KCNT2: variants seen among roughly 807,000 people sequenced by gnomAD.
KCNT2 encodes the protein potassium sodium-activated channel subfamily T member 2, also known as potassium channel subfamily T member 2.
A neutral mutation model predicts 153.8 loss-of-function variants in KCNT2; 67 were observed. The observed-to-expected ratio is 0.44, with a 90% CI of 0.36 to 0.53. The LOEUF is 0.53. KCNT2 is among the 20% of genes least tolerant of loss of function. KCNT2 has a pLI of 0.00. For missense variants in KCNT2, 975 were observed against 1,354.8 expected, an observed-to-expected ratio of 0.72 and a Z score of 4.40; for synonymous variants, 500 against 458.8, an observed-to-expected ratio of 1.09 and a Z score of -1.15.
At chr1:196,339,732 T>C (rs1275419535) in intron 16 of KCNT2, among the ~76,000 whole-genome samples, 1 of 152,026 alleles carries the variant, frequency 6.6e-6, no homozygotes, top group Non-Finnish European at 1.5e-5. Context: ...ATACTAAATG[T>C]TTGTAGGTTT....
At chr1:196,236,935 G>GAA (rs1184082613) in intron 26 of KCNT2, among the ~76,000 whole-genome samples, 1,633 of 151,608 alleles carry the variant, frequency 0.011, 32 homozygotes, top group African/African-American at 0.035. Flanking sequence ...CATGGGTAAA[G>GAA]TTTTCAGTCT....
chr1:196,529,995 A>G (rs966354119), intron 1 of KCNT2, among the ~76,000 whole-genome samples: 10 of 152,046 alleles, frequency 6.6e-5, no homozygotes, highest in Non-Finnish European at 1.2e-4. Flanking sequence ...ACTCAGAAAA[A>G]TATGCAGCAA....
At chr1:196,566,573 T>C (rs1660138904) in intron 1 of KCNT2, among the ~76,000 whole-genome samples, 1 of 151,946 alleles carries the variant, frequency 6.6e-6, no homozygotes, top group African/African-American at 2.4e-5. Context: ...TAGTAAAAGG[T>C]AGATTAAGGT....
chr1:196,316,044 A>G lies in KCNT2; in HGVS notation c.2349-18T>C. On this transcript the variant is annotated intron_variant, in intron 20 of 27. Transcript: ENST00000294725. ...CATCTAGGCTTTGATAAAAATCAAC[A>G]GAGAAAAACAAACATTAAATAAATC... The G allele has an allele frequency of 1.2e-6, 2 of 1,605,812 alleles. No homozygotes were observed. Among genetic ancestry groups the G allele is most frequent in the Non-Finnish European group, 1.7e-6 (2 of 1,174,394 alleles).
At chr1:196,299,211 C>T (rs112275408) in intron 22 of KCNT2, among the ~76,000 whole-genome samples, 3 of 152,024 alleles carry the variant, frequency 2.0e-5, no homozygotes, top group Admixed American at 6.6e-5. Context: ...TCCTTGCCTT[C>T]TCCATCTCTA....
intron 1 of KCNT2, among the ~76,000 whole-genome samples, chr1:196,561,651 T>TCCAAAAAAAAAAAAAAAA (rs1659403022): frequency 5.2e-4 from 1 of 1,916 alleles, no homozygotes; most frequent in Non-Finnish European, 2.2e-3. Context: ...AGACTTCATC[T>TCCAAAAAAAAAAAAAAAA]CAAAAAAAAA....
chr1:196,235,836 A>G, intron 27 of KCNT2, 150 bp downstream of exon 27: 2 of 504,540 alleles, frequency 4.0e-6, no homozygotes, highest in South Asian at 3.1e-5. Flanking sequence ...ACAACACATG[A>G]AATGCATTTG....
At chr1:196,528,366 T>C (rs1008111602) in intron 1 of KCNT2, among the ~76,000 whole-genome samples, 3 of 152,176 alleles carry the variant, frequency 2.0e-5, no homozygotes, top group African/African-American at 4.8e-5. Flanking sequence ...TATGTTTTCC[T>C]CTGAAAAACA....
chr1:196,571,349 A>C (rs570650013), intron 1 of KCNT2, among the ~76,000 whole-genome samples: 1 of 152,230 alleles, frequency 6.6e-6, no homozygotes, highest in Admixed American at 6.5e-5. Flanking sequence ...AGATATTCTA[A>C]AGGAGAAAGA....
At chr1:196,472,616 A>T (rs745809384) in intron 5 of KCNT2, among the ~76,000 whole-genome samples, 8 of 152,208 alleles carry the variant, frequency 5.3e-5, no homozygotes, top group South Asian at 2.1e-4. Flanking sequence ...AAAGCACTTT[A>T]TATATAGTAT....
intron 8 of KCNT2, among the ~76,000 whole-genome samples, chr1:196,454,634 G>T (rs547168076): frequency 1.3e-5 from 2 of 151,840 alleles, no homozygotes; most frequent in South Asian, 4.1e-4. Flanking sequence ...TTTGTAGAAT[G>T]ATTTATTTTC....
At chr1:196,447,980 T>C (rs1055811256) in intron 8 of KCNT2, among the ~76,000 whole-genome samples, 1 of 151,436 alleles carries the variant, frequency 6.6e-6, no homozygotes, top group African/African-American at 2.4e-5. Flanking sequence ...AATGAAAGTG[T>C]AAATTATTCT....
chr1:196,544,244 G>GA (rs1656762893), intron 1 of KCNT2, among the ~76,000 whole-genome samples: 1 of 151,706 alleles, frequency 6.6e-6, no homozygotes, highest in African/African-American at 2.4e-5. Context: ...CCTGAAAAGT[G>GA]AAAAAAGAAA....
At chr1:196,416,422 T>G (rs534573721) in intron 12 of KCNT2, among the ~76,000 whole-genome samples, 16 of 152,040 alleles carry the variant, frequency 1.1e-4, no homozygotes, top group Non-Finnish European at 1.9e-4. Context: ...AATTAGTGCA[T>G]AGTATATATA....
chr1:196,528,166 A>T (rs964736997), intron 1 of KCNT2, among the ~76,000 whole-genome samples: 2 of 152,198 alleles, frequency 1.3e-5, no homozygotes, highest in African/African-American at 4.8e-5. Context: ...TACTTCACTC[A>T]TGCTGTGATC....
rs1374309647 is a variant in KCNT2 at position 196,305,324 on chromosome 1, A to G, written c.2505T>C (p.Ile835=). 1 of 1,607,368 alleles carries G rather than the reference A, an allele frequency of 6.2e-7. No homozygotes were observed. The highest frequency in any genetic ancestry group is 1.1e-5 in the South Asian group (1 of 90,894). The stretch of plus-strand genomic sequence containing the variant: ...TGGCGGGGTGAGTTAGCTCTGTGAT[A>G]ATACTGAGACTGGAAAACAACCTAC... ...TLFRLFSSLS[I]ITELTHPANM... The change falls in exon 22 of 28, where the codon ATT becomes ATC. Residue 835 remains isoleucine, a synonymous_variant. Coordinates refer to ENST00000294725, the MANE Select transcript of KCNT2 (RefSeq NM_198503.5).
At chr1:196,355,543 A>G (rs1038031858) in intron 14 of KCNT2, among the ~76,000 whole-genome samples, 1 of 151,728 alleles carries the variant, frequency 6.6e-6, no homozygotes, top group Non-Finnish European at 1.5e-5. Context: ...AATGAGAAAT[A>G]AAAAAAGGTG....
At position 196,492,389 on chromosome 1, in the gene KCNT2, C is replaced by A. The variant is rs369369631; in HGVS notation, c.96-48G>T. 1.5e-5 allele frequency: 18 copies of A among 1,175,620 alleles called. No homozygotes were observed. In the African/African-American group the frequency reaches 2.1e-4, roughly 14 times the overall value. 72.8% of individuals were successfully genotyped at this position (1,175,620 alleles called of 1,614,324 possible). A position where few individuals can be genotyped will look rare whatever the true frequency, so the allele number is the denominator to read the frequency against. Reference sequence around the variant, plus strand: ...TGTAAATGTATGCAAGCAACCATATCTTTATTTTCATGAAGATCAACAAAT... The same window carrying A: ...TGTAAATGTATGCAAGCAACCATATATTTATTTTCATGAAGATCAACAAAT... On this transcript the variant is annotated intron_variant, in intron 1 of 27. Transcript: ENST00000294725.
chr1:196,469,100 C>T (rs775556732), intron 5 of KCNT2, 32 bp from the exon 6 acceptor site: 2 of 1,260,834 alleles, frequency 1.6e-6, no homozygotes, highest in Non-Finnish European at 2.3e-6. Context: ...AAACGAAAGT[C>T]AATTATACTG....
Sources: allele counts gnomAD v4.1 joint callset (sites outside exome capture counted in the v4.1 genomes callset), GRCh38; gene constraint gnomAD v4.1.1; transcripts MANE v1.5; gene names NCBI Gene and HGNC (gene_info 2026-07-23, HGNC 2026-07-21).